CACNA1C: variants seen among roughly 807,000 people sequenced by gnomAD.
CACNA1C encodes the protein voltage-dependent L-type calcium channel subunit alpha-1C.
CACNA1C carries 30 observed loss-of-function variants against 229.0 expected under a neutral mutation model. The ratio of observed to expected loss-of-function variants is 0.13; its 90% confidence interval spans 0.10 to 0.18. CACNA1C has a LOEUF of 0.18. Among genes scored for constraint, CACNA1C ranks in the 10% least tolerant of loss-of-function variants. The probability of loss-of-function intolerance (pLI) is 1.00; values close to 1 mark genes in which losing one functional copy is unlikely to be tolerated. For synonymous variants in CACNA1C, 1,114 were observed against 1,132.5 expected (o/e 0.98, Z 0.33); for missense variants, 1,658 against 2,845.0 (o/e 0.58, Z 9.49).
At chr12:2,501,448 A>G (rs1414035094) in intron 7 of CACNA1C, among the ~76,000 whole-genome samples, 1 of 152,150 alleles carries the variant, frequency 6.6e-6, no homozygotes, top group Non-Finnish European at 1.5e-5. Flanking sequence ...CCGATACACA[A>G]CAGAACCCTT....
intron 3 of CACNA1C, chr12:2,217,791 T>C (rs1193859729): frequency 6.6e-6 from 1 of 152,200 alleles, no homozygotes. Flanking sequence ...GCACCTGTCA[T>C]GTTCACGATC....
chr12:2,680,276 A>G, intron 42 of CACNA1C: 1 of 1,050,430 alleles, frequency 9.5e-7, no homozygotes, highest in East Asian at 2.6e-5. Flanking sequence ...CATTCTGCCC[A>G]GCACAGGATC....
chr12:2,369,703 C>T (rs925677426), intron 3 of CACNA1C, among the ~76,000 whole-genome samples: 1 of 152,096 alleles, frequency 6.6e-6, no homozygotes, highest in African/African-American at 2.4e-5. Flanking sequence ...CACGCCCAGC[C>T]TACATACCTA....
chr12:2,450,398 C>A (rs1266742288), intron 4 of CACNA1C, among the ~76,000 whole-genome samples: 3 of 151,530 alleles, frequency 2.0e-5, no homozygotes, highest in Non-Finnish European at 4.4e-5. Flanking sequence ...ACTAAAAATA[C>A]AAAAACTTAG....
chr12:2,657,334 G>A (rs1353652051), intron 34 of CACNA1C, among the ~76,000 whole-genome samples: 2 of 152,186 alleles, frequency 1.3e-5, no homozygotes, highest in African/African-American at 4.8e-5. Flanking sequence ...AAGTGAGGTG[G>A]TAGAAGAATG....
chr12:2,372,599 A>G (rs983804924), intron 3 of CACNA1C, among the ~76,000 whole-genome samples: 1 of 152,156 alleles, frequency 6.6e-6, no homozygotes, highest in South Asian at 2.1e-4. Flanking sequence ...TTACCAAAAT[A>G]ATAATAATAA....
chr12:2,127,233 G>A (rs1173375025), intron 3 of CACNA1C, among the ~76,000 whole-genome samples: 1 of 152,140 alleles, frequency 6.6e-6, no homozygotes, highest in East Asian at 1.9e-4. Context: ...ATGGGGCCCT[G>A]CACTTGGACC....
At chr12:2,003,275 T>A (rs959941160) in intron 1 of CACNA1C, among the ~76,000 whole-genome samples, 2 of 152,250 alleles carry the variant, frequency 1.3e-5, no homozygotes, top group Non-Finnish European at 2.9e-5. Flanking sequence ...TCAACATGGA[T>A]GTTTTCCTAG....
rs1019423804 is a variant in CACNA1C at position 2,135,125 on chromosome 12, A to T, written c.477+14695A>T. Among the ~76,000 whole-genome samples the T allele has an allele frequency of 9.5e-5, 14 of 147,764 alleles. 1 individual carries two copies. The highest frequency in any genetic ancestry group is 1.5e-4 in the Non-Finnish European group (10 of 67,348). ...AGCTCCTGAGGCTTCTGCATTCTTC[A>T]TGTAGTTCTTGAGCCTTGGTTTTCA... On this transcript the variant is annotated intron_variant, in intron 3 of 46. Coordinates refer to ENST00000399655, the MANE Select transcript of CACNA1C (RefSeq NM_000719.7).
In CACNA1C at chr12:2,106,515, G is replaced by A. The variant is rs867200370; in HGVS notation, c.50-8709G>A. 3.3e-3 allele frequency among the ~76,000 whole-genome samples: 273 copies of A among 83,140 alleles called. 1 individual carries two copies. Among genetic ancestry groups the A allele is most frequent in the African/African-American group, 6.0e-3 (122 of 20,366 alleles). 54.5% of individuals were successfully genotyped at this position (83,140 alleles called of 152,430 possible). On this transcript the variant is annotated intron_variant, in intron 1 of 46. Transcript: ENST00000399655. ...GGGAGGGTTTCCACCTCAGCTGGGT[G>A]TCCTGAAGCCACTGGGCGCCCACCC... is the stretch of plus-strand genomic sequence containing the variant.
intron 13 of CACNA1C, among the ~76,000 whole-genome samples, chr12:2,573,616 C>T (rs924018661): frequency 6.6e-6 from 1 of 152,202 alleles, no homozygotes; most frequent in Non-Finnish European, 1.5e-5. Context: ...CACCCAGGAC[C>T]CATGGTCCAA....
chr12:2,102,944 A>G (rs2076969232), intron 1 of CACNA1C, among the ~76,000 whole-genome samples: 1 of 152,214 alleles, frequency 6.6e-6, no homozygotes, highest in African/African-American at 2.4e-5. Context: ...ATAGTATTCC[A>G]TGGCATATAT....
intron 9 of CACNA1C, among the ~76,000 whole-genome samples, chr12:2,534,432 A>G (rs1416919820): frequency 6.6e-6 from 1 of 152,238 alleles, no homozygotes; most frequent in Non-Finnish European, 1.5e-5. Context: ...AGAAGATGAG[A>G]GAATTACGTG....
rs113698367 is a variant in CACNA1C at position 2,024,173 on chromosome 12, G to A, written c.139+52972G>A. On this transcript the variant is annotated intron_variant, in intron 1 of 46. Coordinates refer to the CACNA1C transcript ENST00000682462. ...GATCTTTTCATTTACTGCACTGCAA[G>A]CCCTGTGGCAGAATGATATACAGGA... 1.6e-4 allele frequency among the ~76,000 whole-genome samples: 24 copies of A among 152,306 alleles called. 1 individual carries two copies. The highest frequency in any genetic ancestry group is 5.8e-4 in the African/African-American group (24 of 41,568).
At chr12:2,352,580 A>G in intron 3 of CACNA1C, among the ~76,000 whole-genome samples, 1 of 151,958 alleles carries the variant, frequency 6.6e-6, no homozygotes, top group East Asian at 1.9e-4. Flanking sequence ...TGCTGAAATT[A>G]GCACTGCATT....
Position 2,617,132 on chromosome 12 carries a change from G to A in CACNA1C, c.3828+5119G>A, listed in dbSNP as rs114605092. On this transcript the variant is annotated intron_variant, in intron 29 of 46. Transcript: ENST00000399655. ...AGAGTAGAGAGGCAGAAAGAGGAGC[G>A]GTTTCTCCGGTCCCCCACCTGTTGT... 2.4e-3 allele frequency among the ~76,000 whole-genome samples: 373 copies of A among 152,346 alleles called. 2 individuals are homozygous for A. The highest frequency in any genetic ancestry group is 8.7e-3 in the African/African-American group (362 of 41,570).
chr12:2,201,965 A>G (rs953166795), intron 3 of CACNA1C, among the ~76,000 whole-genome samples: 9 of 152,240 alleles, frequency 5.9e-5, no homozygotes, highest in African/African-American at 2.2e-4. Flanking sequence ...TGGGTAGGCA[A>G]CGATTCCAAC....
intron 3 of CACNA1C, among the ~76,000 whole-genome samples, chr12:2,148,774 G>A (rs1047979087): frequency 2.1e-5 from 3 of 144,884 alleles, no homozygotes; most frequent in South Asian, 4.4e-4. Flanking sequence ...TCAAACTCCC[G>A]GGCTCAAGCT....
chr12:2,146,972 G>C lies in CACNA1C; in HGVS notation c.477+26542G>C, dbSNP rs1421484477. ...GACAGCCTGAGCCCTTCCAGACACA[G>C]GCAAAGGAGAGAGGACAGACATATC... On this transcript the variant is annotated intron_variant, in intron 3 of 46. Coordinates refer to ENST00000399655, the MANE Select transcript of CACNA1C (RefSeq NM_000719.7). Among the ~76,000 whole-genome samples, 5 of 150,992 alleles carry C rather than the reference G, an allele frequency of 3.3e-5. No individual in the cohort carries two copies. In the South Asian group the frequency reaches 1.1e-3, roughly 32 times the overall value.
Sources: allele counts gnomAD v4.1 joint callset (sites outside exome capture counted in the v4.1 genomes callset), GRCh38; gene constraint gnomAD v4.1.1; transcripts MANE v1.5; gene names NCBI Gene and HGNC (gene_info 2026-07-23, HGNC 2026-07-21).